The following PLCB1 variants were observed in gnomAD, a reference collection of about 807,000 sequenced individuals.
The protein encoded by PLCB1 is 1-phosphatidylinositol 4,5-bisphosphate phosphodiesterase beta-1.
In PLCB1, 46 loss-of-function variants were observed where a neutral mutation model predicts 161.8. The observed-to-expected ratio is 0.28, with a 90% CI of 0.22 to 0.36. PLCB1 has a LOEUF of 0.36. PLCB1 is among the 10% of genes least tolerant of loss of function. The pLI is 1.00. For missense variants in PLCB1, 1,016 were observed against 1,472.5 expected (o/e 0.69, Z 5.07); for synonymous variants, 517 against 503.7 (o/e 1.03, Z -0.35).
chr20:8,325,080 AT>A (rs1424542268), intron 2 of PLCB1, among the ~76,000 whole-genome samples: 1 of 152,202 alleles, frequency 6.6e-6, no homozygotes, highest in Non-Finnish European at 1.5e-5. Flanking sequence ...TGCCCCTACT[AT>A]TCGCAGGAGT....
At chr20:8,560,384 A>T (rs924685935) in intron 3 of PLCB1, among the ~76,000 whole-genome samples, 3 of 151,898 alleles carry the variant, frequency 2.0e-5, no homozygotes, top group African/African-American at 7.2e-5. Flanking sequence ...AGCTTCTCAC[A>T]TGTTTCTAAT....
At chr20:8,656,711 T>C (rs1169493250) in intron 7 of PLCB1, among the ~76,000 whole-genome samples, 1 of 151,630 alleles carries the variant, frequency 6.6e-6, no homozygotes, top group Non-Finnish European at 1.5e-5. Context: ...TGACACAAAA[T>C]TGGAATTTAT....
At chr20:8,573,133 A>T (rs971563506) in intron 3 of PLCB1, among the ~76,000 whole-genome samples, 1 of 152,194 alleles carries the variant, frequency 6.6e-6, no homozygotes, top group Non-Finnish European at 1.5e-5. Context: ...CCATTAGAAG[A>T]CAATAGTTAA....
intron 2 of PLCB1, among the ~76,000 whole-genome samples, chr20:8,260,097 T>TC (rs754217035): frequency 1.4e-4 from 21 of 152,008 alleles, no homozygotes; most frequent in Non-Finnish European, 2.6e-4. Flanking sequence ...TCTTTTTTTT[T>TC]CTTTTTTTTT....
chr20:8,243,476 A>G (rs1399847889), intron 2 of PLCB1, among the ~76,000 whole-genome samples: 1 of 151,942 alleles, frequency 6.6e-6, no homozygotes, highest in Non-Finnish European at 1.5e-5. Context: ...TTCCTGGTGG[A>G]AGCCAGGAAA....
intron 2 of PLCB1, among the ~76,000 whole-genome samples, chr20:8,367,187 C>T (rs1194183946): frequency 6.6e-6 from 1 of 152,018 alleles, no homozygotes; most frequent in African/African-American, 2.4e-5. Context: ...TTGAAAGTTC[C>T]CAATATAAAG....
chr20:8,212,020 T>G (rs902482415), intron 2 of PLCB1, among the ~76,000 whole-genome samples: 10 of 152,142 alleles, frequency 6.6e-5, no homozygotes, highest in African/African-American at 2.4e-4. Context: ...TTTTAGTAAT[T>G]ATGCTCCGAC....
intron 3 of PLCB1, among the ~76,000 whole-genome samples, chr20:8,552,798 C>A (rs1424084177): frequency 1.3e-5 from 2 of 152,086 alleles, no homozygotes; most frequent in South Asian, 2.1e-4. Context: ...CATGTTTAGA[C>A]CCCTAGACAT....
At chr20:8,387,509 A>C (rs1987459902) in intron 3 of PLCB1, among the ~76,000 whole-genome samples, 1 of 152,222 alleles carries the variant, frequency 6.6e-6, no homozygotes. Context: ...ATCAAAGATC[A>C]CTGATCACAG....
chr20:8,545,803 T>C (rs557252615), intron 3 of PLCB1, among the ~76,000 whole-genome samples: 1 of 152,306 alleles, frequency 6.6e-6, no homozygotes, highest in Admixed American at 6.5e-5. Flanking sequence ...AACATTATTA[T>C]TTCTTCTATA....
intron 2 of PLCB1, among the ~76,000 whole-genome samples, chr20:8,167,909 C>G (rs1214663639): frequency 6.6e-6 from 1 of 152,120 alleles, no homozygotes; most frequent in African/African-American, 2.4e-5. Context: ...AGGTGGGCTC[C>G]TTCTGGCTTC....
intron 3 of PLCB1, among the ~76,000 whole-genome samples, chr20:8,525,463 TAATC>T (rs1282729493): frequency 3.9e-5 from 6 of 152,178 alleles, no homozygotes; most frequent in Admixed American, 1.3e-4. Flanking sequence ...CAAGTTCAAA[TAATC>T]AATCTCAATT....
At chr20:8,787,343 T>G (rs1442975950) in intron 27 of PLCB1, among the ~76,000 whole-genome samples, 1 of 152,242 alleles carries the variant, frequency 6.6e-6, no homozygotes, top group Non-Finnish European at 1.5e-5. Flanking sequence ...TTCCTCCCAG[T>G]GAGCAGGCCC....
intron 2 of PLCB1, among the ~76,000 whole-genome samples, chr20:8,329,105 T>A (rs940371072): frequency 6.6e-6 from 1 of 152,226 alleles, no homozygotes. Flanking sequence ...TCTGTATTCC[T>A]GTATATATAG....
chr20:8,592,654 C>T (rs1987185546), intron 3 of PLCB1, among the ~76,000 whole-genome samples: 1 of 152,170 alleles, frequency 6.6e-6, no homozygotes, highest in African/African-American at 2.4e-5. Flanking sequence ...TTGACGGTGA[C>T]TCGTCACATG....
intron 3 of PLCB1, among the ~76,000 whole-genome samples, chr20:8,539,661 TTTC>T (rs1568499492): frequency 1.1e-5 from 1 of 93,768 alleles, no homozygotes. Flanking sequence ...TCTTTCTTTC[TTTC>T]TTTCTTTCTT....
intron 31 of PLCB1, among the ~76,000 whole-genome samples, chr20:8,800,303 T>C (rs1239803653): frequency 6.6e-6 from 1 of 152,230 alleles, no homozygotes; most frequent in East Asian, 1.9e-4. Flanking sequence ...TGGAGTGCTG[T>C]TTATACATTT....
At chr20:8,426,876 T>C (rs1217105292) in intron 3 of PLCB1, among the ~76,000 whole-genome samples, 3 of 152,104 alleles carry the variant, frequency 2.0e-5, no homozygotes, top group Non-Finnish European at 2.9e-5. Context: ...AAATATGAAC[T>C]GGATGAGAAT....
chr20:8,279,997 A>G (rs1396324613), intron 2 of PLCB1, among the ~76,000 whole-genome samples: 2 of 152,186 alleles, frequency 1.3e-5, no homozygotes, highest in Non-Finnish European at 2.9e-5. Context: ...GTTTAGCTGT[A>G]CATTTCTTAA....
Sources: allele counts gnomAD v4.1 joint callset (sites outside exome capture counted in the v4.1 genomes callset), GRCh38; gene constraint gnomAD v4.1.1; transcripts MANE v1.5; gene names NCBI Gene and HGNC (gene_info 2026-07-23, HGNC 2026-07-21).